Variants in CFAP47 observed in about 807,000 individuals in gnomAD.
The protein encoded by CFAP47 is cilia and flagella associated protein 47, also known as cilia- and flagella-associated protein 47.
Under a neutral mutation model 148.1 loss-of-function variants are expected in CFAP47, and 29 were observed. The observed-to-expected ratio is 0.20, with a 90% CI of 0.15 to 0.27. CFAP47 has a LOEUF of 0.27. Among genes scored for constraint, CFAP47 ranks in the 10% least tolerant of loss-of-function variants. The pLI is 1.00. For synonymous variants in CFAP47, 664 were observed against 577.3 expected (o/e 1.15, Z -2.15); for missense variants, 1,872 against 1,697.5 (o/e 1.10, Z -1.81).
rs141024885 is a variant in CFAP47, at chrX:36,035,775, C to T, written c.3732C>T (p.Asp1244=). 2.5e-3 allele frequency: 735 copies of T among 294,056 alleles called. 7 individuals carry two copies. The highest frequency in any genetic ancestry group is 0.018 in the African/African-American group (665 of 36,075). The allele number at this position is 294,056 out of a possible 1,213,427, so 24.2% of individuals were successfully genotyped here. A position where few individuals can be genotyped will look rare whatever the true frequency, so the allele number is the denominator to read the frequency against. Residue 1244 remains aspartate, a synonymous_variant, in exon 24 of 64, where the codon GAC becomes GAT. Transcript: ENST00000378653. The stretch of plus-strand genomic sequence containing the variant: ...GTAATACTGGCAAACTTTTCAAAGA[C>T]GGCACATTCAAGTTCAGTGTACTGA... ...DLSNTGKLFK[D]GTFKFSVLNG...
chrX:35,995,409 T>C (rs1837637181), intron 18 of CFAP47, among the ~76,000 whole-genome samples: 1 of 111,599 alleles, frequency 9.0e-6, no homozygotes, highest in African/African-American at 3.3e-5. Context: ...TTTTTAGAGA[T>C]CACTTTGGTG....
intron 49 of CFAP47, among the ~76,000 whole-genome samples, chrX:36,275,414 TCGTG>T (rs1268923163): frequency 1.2e-5 from 1 of 83,828 alleles, no homozygotes; most frequent in African/African-American, 6.5e-5. Context: ...AGTGAGATCG[TCGTG>T]TGTGTGTGTG....
intron 24 of CFAP47, 67 bp downstream of exon 24, chrX:36,035,921 A>G: frequency 3.5e-6 from 1 of 284,683 alleles, no homozygotes. Context: ...AAATTGTTTT[A>G]TTATGTATAC....
At chrX:36,103,199 A>G (rs1938403913) in intron 32 of CFAP47, among the ~76,000 whole-genome samples, 3 of 110,661 alleles carry the variant, frequency 2.7e-5, no homozygotes, top group South Asian at 7.8e-4. Context: ...CATTTATTTC[A>G]GAAGTGCTCC....
chrX:36,261,878 G>A (rs4310351), intron 49 of CFAP47, among the ~76,000 whole-genome samples: 4 of 108,804 alleles, frequency 3.7e-5, no homozygotes, highest in Non-Finnish European at 7.7e-5. Flanking sequence ...GCAGAGGGGC[G>A]CCTCACTTCC....
Position 35,993,298 on chromosome X carries a change from G to A in CFAP47, c.3076G>A (p.Glu1026Lys), listed in dbSNP as rs1306693643. 3.1e-5 allele frequency: 9 copies of A among 293,913 alleles called. No homozygotes were observed. Among genetic ancestry groups the A allele is most frequent in the Non-Finnish European group, 5.3e-5 (9 of 168,844 alleles). 24.2% of individuals were successfully genotyped at this position (293,913 alleles called of 1,213,427 possible). Residue 1026 changes from glutamate to lysine, a missense_variant, in exon 18 of 64, where the codon GAA becomes AAA. Transcript: ENST00000378653. ...TATCTCCTGTAAACCCACTGTGGCA[G>A]AAAAGTTTGATACAAGAGCAAAGGT... ...LNISCKPTVA[E>K]KFDTRAKVSI...
At chrX:36,154,579 C>T (rs897490896) in intron 37 of CFAP47, among the ~76,000 whole-genome samples, 3 of 111,947 alleles carry the variant, frequency 2.7e-5, no homozygotes, top group African/African-American at 6.5e-5. Context: ...TGAGAATGTT[C>T]AAGCTTTCTC....
At chrX:36,164,891 A>G (rs1181696068) in intron 39 of CFAP47, among the ~76,000 whole-genome samples, 1 of 111,860 alleles carries the variant, frequency 8.9e-6, no homozygotes, top group East Asian at 2.8e-4. Flanking sequence ...GTGGATGTCT[A>G]TAACTTACTC....
At chrX:36,127,842 T>C in intron 33 of CFAP47, among the ~76,000 whole-genome samples, 1 of 111,393 alleles carries the variant, frequency 9.0e-6, no homozygotes, top group Middle Eastern at 4.6e-3. Flanking sequence ...GGTATTTTAT[T>C]CTCTTAGTAG....
At chrX:36,160,340 G>T (rs73197162) in intron 38 of CFAP47, among the ~76,000 whole-genome samples, 4,153 of 111,678 alleles carry the variant, frequency 0.037, 110 homozygotes, top group African/African-American at 0.089. Context: ...ACATTGTTTT[G>T]TCACATGTGG....
intron 48 of CFAP47, among the ~76,000 whole-genome samples, chrX:36,250,204 A>G (rs1940674199): frequency 9.0e-6 from 1 of 111,585 alleles, no homozygotes. Context: ...AAAATGTGAT[A>G]TGTACGCAAT....
At chrX:35,953,823 T>C in intron 7 of CFAP47, 104 bp downstream of exon 7, 1 of 582,549 alleles carries the variant, frequency 1.7e-6, no homozygotes, top group Non-Finnish European at 2.4e-6. Flanking sequence ...TATATAATTA[T>C]TGAATAGAAA....
intron 45 of CFAP47, among the ~76,000 whole-genome samples, chrX:36,218,766 C>T (rs1272106353): frequency 2.7e-5 from 3 of 111,943 alleles, no homozygotes; most frequent in African/African-American, 9.7e-5. Flanking sequence ...CAGGGAAAGA[C>T]ATAAGGCAAT....
At chrX:36,050,786 C>T (rs1426268850) in intron 26 of CFAP47, among the ~76,000 whole-genome samples, 2 of 111,921 alleles carry the variant, frequency 1.8e-5, no homozygotes, top group Non-Finnish European at 3.8e-5. Context: ...CAGCAGCCCT[C>T]CCATCACAGG....
rs1412650789 is a variant in CFAP47 at position 36,064,510 on chromosome X, T to G, written c.4218-1133T>G. 4.5e-5 allele frequency among the ~76,000 whole-genome samples: 5 copies of G among 112,174 alleles called. No individual in the cohort carries two copies. The Admixed American group carries it at 4.8e-4, about 11-fold the overall frequency. On this transcript the variant is annotated intron_variant, in intron 26 of 63. Transcript: ENST00000378653. ...AGAACTGAGGTGGAAATCATTCAGT[T>G]GCATGTAATATATGTTTACCATTAA...
chrX:36,247,174 A>G (rs1350891557), intron 48 of CFAP47, among the ~76,000 whole-genome samples: 1 of 111,859 alleles, frequency 8.9e-6, no homozygotes, highest in African/African-American at 3.3e-5. Flanking sequence ...TAATGCAGTA[A>G]CAGAAAACCA....
intron 35 of CFAP47, among the ~76,000 whole-genome samples, chrX:36,143,800 G>T (rs1421070182): frequency 1.8e-5 from 2 of 111,568 alleles, no homozygotes; most frequent in Non-Finnish European, 3.8e-5. Flanking sequence ...GTTTATCAGA[G>T]TAATTACAAC....
chrX:36,284,432 A>G (rs1310541171), intron 50 of CFAP47, among the ~76,000 whole-genome samples: 2 of 111,633 alleles, frequency 1.8e-5, no homozygotes, highest in South Asian at 3.7e-4. Context: ...TCTTACAAGT[A>G]TTTTAGATAC....
At chrX:35,971,405 T>C (rs1936488429) in intron 11 of CFAP47, among the ~76,000 whole-genome samples, 181 bp from the exon 12 acceptor site, 1 of 111,455 alleles carries the variant, frequency 9.0e-6, no homozygotes, top group Admixed American at 9.6e-5. Context: ...CTCGATGAGA[T>C]GTTTGAGAAG....
Sources: allele counts gnomAD v4.1 joint callset (sites outside exome capture counted in the v4.1 genomes callset), GRCh38; gene constraint gnomAD v4.1.1; transcripts MANE v1.5; gene names NCBI Gene and HGNC (gene_info 2026-07-23, HGNC 2026-07-21).